NTM: variants seen among roughly 807,000 people sequenced by gnomAD.
The protein encoded by NTM is neurotrimin.
Under a neutral mutation model 42.1 loss-of-function variants are expected in NTM, and 13 were observed. The observed-to-expected ratio is 0.31, with a 90% CI of 0.20 to 0.49. The LOEUF (loss-of-function observed/expected upper bound fraction) is 0.49. NTM is among the 20% of genes least tolerant of loss of function. The pLI is 0.99. For missense variants in NTM, 373 were observed against 452.8 expected, an observed-to-expected ratio of 0.82 and a Z score of 1.60; for synonymous variants, 187 against 179.2, an observed-to-expected ratio of 1.04 and a Z score of -0.35.
chr11:131,666,590 C>G (rs1250768722), intron 1 of NTM, among the ~76,000 whole-genome samples: 1 of 152,206 alleles, frequency 6.6e-6, no homozygotes, highest in Non-Finnish European at 1.5e-5. Context: ...ACATGCATTT[C>G]TGACATCCTG....
At chr11:132,212,211 G>A in intron 4 of NTM, 64 bp downstream of exon 4, 1 of 1,380,244 alleles carries the variant, frequency 7.2e-7, no homozygotes, top group East Asian at 2.3e-5. Context: ...GCCTTTGGTA[G>A]GAGGTTATGG....
intron 4 of NTM, among the ~76,000 whole-genome samples, chr11:132,278,938 C>G (rs1037344215): frequency 6.6e-6 from 1 of 152,162 alleles, no homozygotes; most frequent in Non-Finnish European, 1.5e-5. Flanking sequence ...CAGATCTGTA[C>G]AGCTCAGTCT....
chr11:131,575,729 C>T (rs1187080152), intron 1 of NTM, among the ~76,000 whole-genome samples: 1 of 152,054 alleles, frequency 6.6e-6, no homozygotes, highest in Non-Finnish European at 1.5e-5. Context: ...AAAATAATGG[C>T]TTATCCTTCC....
chr11:131,981,836 C>A (rs550840677), intron 2 of NTM, among the ~76,000 whole-genome samples: 2 of 152,106 alleles, frequency 1.3e-5, no homozygotes, highest in Admixed American at 6.5e-5. Context: ...CATGGCGAAA[C>A]CCCATCTCTA....
At chr11:131,455,850 C>G (rs985526072) in intron 1 of NTM, among the ~76,000 whole-genome samples, 2 of 152,164 alleles carry the variant, frequency 1.3e-5, no homozygotes, top group Non-Finnish European at 2.9e-5. Context: ...AGATGAATGT[C>G]TTAATTTGAA....
At chr11:131,459,750 C>G (rs1951210716) in intron 1 of NTM, among the ~76,000 whole-genome samples, 1 of 152,114 alleles carries the variant, frequency 6.6e-6, no homozygotes, top group African/African-American at 2.4e-5. Flanking sequence ...TCTGTGTCAA[C>G]CTGGAGGAAG....
intron 1 of NTM, among the ~76,000 whole-genome samples, chr11:131,805,314 C>T (rs2092418623): frequency 6.6e-6 from 1 of 152,132 alleles, no homozygotes; most frequent in African/African-American, 2.4e-5. Context: ...GAAATTTCCT[C>T]TCTATTATGG....
chr11:131,932,194 G>T (rs1385940224), intron 2 of NTM, among the ~76,000 whole-genome samples: 3 of 152,140 alleles, frequency 2.0e-5, no homozygotes, highest in African/African-American at 7.2e-5. Flanking sequence ...CTTCCCTCCT[G>T]GTGGAATGAG....
intron 3 of NTM, among the ~76,000 whole-genome samples, chr11:132,153,366 A>C (rs1352958037): frequency 6.6e-6 from 1 of 152,214 alleles, no homozygotes; most frequent in Non-Finnish European, 1.5e-5. Context: ...GATTTATTCA[A>C]GCTGCACTTG....
chr11:131,717,596 T>C (rs1223917227), intron 1 of NTM, among the ~76,000 whole-genome samples: 3 of 152,234 alleles, frequency 2.0e-5, no homozygotes, highest in African/African-American at 7.2e-5. Context: ...AATGCTACTC[T>C]TGTTTGTTCT....
intron 1 of NTM, among the ~76,000 whole-genome samples, chr11:131,518,665 C>G (rs1471968482): frequency 6.6e-6 from 1 of 152,168 alleles, no homozygotes; most frequent in Non-Finnish European, 1.5e-5. Flanking sequence ...TCACTGTAGG[C>G]ATGACACTGT....
At chr11:132,006,243 C>G (rs1269706340) in intron 2 of NTM, among the ~76,000 whole-genome samples, 2 of 152,156 alleles carry the variant, frequency 1.3e-5, no homozygotes, top group Non-Finnish European at 2.9e-5. Flanking sequence ...ACCCGCATCT[C>G]TCAACTCAAA....
At chr11:131,769,101 G>A (rs538795307) in intron 1 of NTM, among the ~76,000 whole-genome samples, 2 of 152,266 alleles carry the variant, frequency 1.3e-5, no homozygotes, top group African/African-American at 4.8e-5. Flanking sequence ...TGTGCTGCAG[G>A]CAGTTCCCTC....
chr11:131,731,247 C>T (rs1336514885), intron 1 of NTM, among the ~76,000 whole-genome samples: 1 of 152,148 alleles, frequency 6.6e-6, no homozygotes, highest in Non-Finnish European at 1.5e-5. Context: ...AGGAAAATCA[C>T]AAGCATTGTG....
chr11:132,246,398 T>C (rs1022795346), intron 4 of NTM, among the ~76,000 whole-genome samples: 4 of 152,238 alleles, frequency 2.6e-5, no homozygotes, highest in Admixed American at 2.0e-4. Context: ...AATGGTGATT[T>C]TCCTCCTTTA....
At chr11:131,728,839 T>C (rs1591460396) in intron 1 of NTM, among the ~76,000 whole-genome samples, 1 of 152,170 alleles carries the variant, frequency 6.6e-6, no homozygotes, top group Non-Finnish European at 1.5e-5. Context: ...GTCCCTATAC[T>C]GAAGCTACTT....
At chr11:132,180,264 T>C (rs767857695) in intron 3 of NTM, among the ~76,000 whole-genome samples, 1 of 152,042 alleles carries the variant, frequency 6.6e-6, no homozygotes, top group African/African-American at 2.4e-5. Flanking sequence ...TAGAGAGATG[T>C]TGGAGATGAT....
intron 1 of NTM, among the ~76,000 whole-genome samples, chr11:131,551,676 A>C (rs2054686679): frequency 6.6e-6 from 1 of 152,210 alleles, no homozygotes; most frequent in African/African-American, 2.4e-5. Flanking sequence ...CTGTTGATAA[A>C]TCACTTATCC....
chr11:131,991,162 TGATA>T (rs1264577568), intron 2 of NTM, among the ~76,000 whole-genome samples: 2 of 152,218 alleles, frequency 1.3e-5, no homozygotes, highest in Non-Finnish European at 2.9e-5. Context: ...ATCTAATCTT[TGATA>T]GATAGCCTTG....
Sources: gnomAD v4.1 joint callset for allele counts (sites outside exome capture counted in the v4.1 genomes callset) on GRCh38, gnomAD v4.1.1 for gene constraint, MANE v1.5 for transcripts, NCBI Gene and HGNC (gene_info 2026-07-23, HGNC 2026-07-21) for gene names.